IQCJ: variants seen among roughly 807,000 people sequenced by gnomAD.
The protein encoded by IQCJ is IQ motif containing J.
Under a neutral mutation model 11.0 loss-of-function variants are expected in IQCJ, and 9 were observed. The ratio of observed to expected loss-of-function variants is 0.82; its 90% CI spans 0.49 to 1.43. The LOEUF is 1.43. Ranked by LOEUF, IQCJ falls within the 40% of genes most tolerant of loss-of-function variation. The pLI, the probability that IQCJ is intolerant of heterozygous loss-of-function variation, is 0.00. For synonymous variants in IQCJ, 55 were observed against 51.3 expected, an observed-to-expected ratio of 1.07 and a Z score of -0.31; for missense variants, 146 against 133.2, an observed-to-expected ratio of 1.10 and a Z score of -0.47.
intron 1 of IQCJ, among the ~76,000 whole-genome samples, chr3:159,076,981 C>T (rs1715967640): frequency 6.6e-6 from 1 of 152,106 alleles, no homozygotes; most frequent in African/African-American, 2.4e-5. Flanking sequence ...CAGTGCCTGG[C>T]ATGCAATAGA....
At chr3:159,119,301 G>C (rs1719210346) in intron 1 of IQCJ, among the ~76,000 whole-genome samples, 1 of 152,180 alleles carries the variant, frequency 6.6e-6, no homozygotes, top group Non-Finnish European at 1.5e-5. Flanking sequence ...CATTTTAGTT[G>C]GGTGCTGAGG....
In IQCJ at chr3:159,107,947, C is replaced by T. The variant is rs148603570; in HGVS notation, c.9+38506C>T. On this transcript the variant is annotated intron_variant, in intron 1 of 3. Transcript: ENST00000397832. ...CACTGCCACGCTCTGCTCCTGCTTGCAGGCTTCCTTACCCTAGCTGTGCGA... is the reference window on the plus strand; with the variant it reads ...CACTGCCACGCTCTGCTCCTGCTTGTAGGCTTCCTTACCCTAGCTGTGCGA... 2.0e-4 allele frequency among the ~76,000 whole-genome samples: 28 copies of T among 137,386 alleles called. No homozygotes were observed. The South Asian group carries it at 3.8e-3, about 19-fold the overall frequency. 90.1% of individuals were successfully genotyped at this position (137,386 alleles called of 152,430 possible). A position where few individuals can be genotyped will look rare whatever the true frequency, so the allele number is the denominator to read the frequency against.
At chr3:159,202,145 G>A (rs1346171846) in intron 1 of IQCJ, among the ~76,000 whole-genome samples, 8 of 151,968 alleles carry the variant, frequency 5.3e-5, no homozygotes, top group African/African-American at 1.9e-4. Context: ...TCTGGGGGAG[G>A]GTGTCCATAG....
rs202127541 is a variant in IQCJ at position 159,108,149 on chromosome 3, C to T, written c.9+38708C>T. Among the ~76,000 whole-genome samples, 26 of 152,182 alleles carry T rather than the reference C, an allele frequency of 1.7e-4. No homozygotes were observed. The East Asian group carries it at 4.3e-3, about 25-fold the overall frequency. On this transcript the variant is annotated intron_variant, in intron 1 of 3. Coordinates refer to ENST00000397832, the MANE Select transcript of IQCJ (RefSeq NM_001042706.3). ...GAATTTGCACAATGTAAGTGGCCTG[C>T]CAGAGGTCCCAAGAAGCTACCACTG...
chr3:159,118,556 A>G (rs1420350779), intron 1 of IQCJ, among the ~76,000 whole-genome samples: 2 of 152,224 alleles, frequency 1.3e-5, no homozygotes, highest in Non-Finnish European at 2.9e-5. Flanking sequence ...AGCAAGTGTC[A>G]GGGATGTGAA....
intron 1 of IQCJ, among the ~76,000 whole-genome samples, chr3:159,219,480 C>G (rs959548540): frequency 6.6e-6 from 1 of 152,042 alleles, no homozygotes; most frequent in African/African-American, 2.4e-5. Context: ...CTGTGGTCAG[C>G]AGAGGACATG....
chr3:159,235,612 C>T (rs905837586), intron 1 of IQCJ, among the ~76,000 whole-genome samples: 1 of 152,034 alleles, frequency 6.6e-6, no homozygotes, highest in Non-Finnish European at 1.5e-5. Context: ...GTAAGTGTAC[C>T]CTTCCAGAAG....
chr3:159,093,918 C>T (rs533170061), intron 1 of IQCJ, among the ~76,000 whole-genome samples: 1 of 151,908 alleles, frequency 6.6e-6, no homozygotes, highest in Non-Finnish European at 1.5e-5. Context: ...AGGTCCCTCC[C>T]CAAACACTTG....
intron 1 of IQCJ, among the ~76,000 whole-genome samples, chr3:159,122,320 A>G (rs1462766194): frequency 6.6e-6 from 1 of 152,230 alleles, no homozygotes; most frequent in Non-Finnish European, 1.5e-5. Context: ...AACAGATTAC[A>G]TGCAGATTAA....
At chr3:159,219,042 C>T (rs1269670854) in intron 1 of IQCJ, among the ~76,000 whole-genome samples, 1 of 152,116 alleles carries the variant, frequency 6.6e-6, no homozygotes, top group African/African-American at 2.4e-5. Flanking sequence ...CTTGTGATCA[C>T]ATTAAGCCCC....
At chr3:159,161,143 CACCA>C (rs200836850) in intron 1 of IQCJ, among the ~76,000 whole-genome samples, 3,019 of 152,278 alleles carry the variant, frequency 0.02, 98 homozygotes, top group African/African-American at 0.07. Context: ...TTTACAGTCC[CACCA>C]ACAGTGTAAA....
chr3:159,203,902 C>T (rs1332780206), intron 1 of IQCJ, among the ~76,000 whole-genome samples: 1 of 152,064 alleles, frequency 6.6e-6, no homozygotes, highest in Non-Finnish European at 1.5e-5. Context: ...AAGGTTGTGT[C>T]CCTGTGTGGT....
At chr3:159,210,582 A>G (rs1471876868) in intron 1 of IQCJ, among the ~76,000 whole-genome samples, 2 of 152,228 alleles carry the variant, frequency 1.3e-5, no homozygotes, top group African/African-American at 4.8e-5. Context: ...AGAAGCAACA[A>G]TCACACATGG....
chr3:159,215,026 G>A (rs1183170016), intron 1 of IQCJ, among the ~76,000 whole-genome samples: 2 of 152,140 alleles, frequency 1.3e-5, no homozygotes, highest in African/African-American at 4.8e-5. Context: ...GTTATTGACT[G>A]GGACCCCTAT....
intron 1 of IQCJ, among the ~76,000 whole-genome samples, chr3:159,070,966 T>C (rs910159625): frequency 2.0e-5 from 3 of 152,136 alleles, no homozygotes; most frequent in Admixed American, 6.5e-5. Context: ...AACAATTGCA[T>C]TGGATTTACT....
intron 3 of IQCJ, among the ~76,000 whole-genome samples, chr3:159,256,388 A>T (rs1727897985): frequency 6.6e-6 from 1 of 152,226 alleles, no homozygotes; most frequent in Non-Finnish European, 1.5e-5. Context: ...AGAGACAGAG[A>T]GAGATAGCAT....
intron 1 of IQCJ, among the ~76,000 whole-genome samples, chr3:159,079,224 C>A (rs1167839157): frequency 6.6e-6 from 1 of 152,010 alleles, no homozygotes; most frequent in Non-Finnish European, 1.5e-5. Flanking sequence ...AGAGAATACC[C>A]CCAGTTTAAA....
At chr3:159,155,959 T>G (rs1261917054) in intron 1 of IQCJ, among the ~76,000 whole-genome samples, 1 of 152,214 alleles carries the variant, frequency 6.6e-6, no homozygotes, top group Non-Finnish European at 1.5e-5. Context: ...GTAGTGAAAT[T>G]TGGCTTTTCT....
intron 1 of IQCJ, among the ~76,000 whole-genome samples, chr3:159,072,714 A>G (rs1715657061): frequency 6.6e-6 from 1 of 152,086 alleles, no homozygotes; most frequent in South Asian, 2.1e-4. Flanking sequence ...TAAATGCACT[A>G]TCTTATATAG....
Sources: allele counts gnomAD v4.1 joint callset (sites outside exome capture counted in the v4.1 genomes callset), GRCh38; gene constraint gnomAD v4.1.1; transcripts MANE v1.5; gene names NCBI Gene and HGNC (gene_info 2026-07-23, HGNC 2026-07-21).